The following CNTNAP4 variants were observed in gnomAD, a reference collection of about 807,000 sequenced individuals.
CNTNAP4 encodes contactin-associated protein-like 4.
CNTNAP4 carries 98 observed loss-of-function variants against 148.4 expected under a neutral mutation model. The ratio of observed to expected loss-of-function variants is 0.66; its 90% CI spans 0.56 to 0.78. CNTNAP4 has a LOEUF of 0.78. Ranked by LOEUF, CNTNAP4 falls within the 30% of genes least tolerant of loss-of-function variation. CNTNAP4 has a pLI of 0.00. For missense variants in CNTNAP4, 1,935 were observed against 1,565.6 expected (o/e 1.24, Z -3.98); for synonymous variants, 730 against 565.1 (o/e 1.29, Z -4.14).
At chr16:76,500,263 G>A (rs531283946) in intron 15 of CNTNAP4, among the ~76,000 whole-genome samples, 157 of 152,286 alleles carry the variant, frequency 1.0e-3, no homozygotes, top group Non-Finnish European at 1.8e-3. Context: ...GCGGCTGGCC[G>A]GGCGGGGGCT....
rs144986996 is a variant in CNTNAP4, at chr16:76,547,065, C to T, written c.3443-6218C>T. Among the ~76,000 whole-genome samples, 713 of 152,232 alleles carry T rather than the reference C, an allele frequency of 4.7e-3. 6 individuals carry two copies. The highest frequency in any genetic ancestry group is 0.017 in the African/African-American group (693 of 41,544). On this transcript the variant is annotated intron_variant, in intron 21 of 23. Coordinates refer to ENST00000611870, the MANE Select transcript of CNTNAP4 (RefSeq NM_033401.5). Reference sequence around the variant, plus strand: ...TGTGAAAAGGCAGATAGTCTGATGTCATGTCTAAGTACTTTGTTCACAATG... The same window carrying T: ...TGTGAAAAGGCAGATAGTCTGATGTTATGTCTAAGTACTTTGTTCACAATG...
chr16:76,457,180 A>C (rs1287468925), intron 8 of CNTNAP4, among the ~76,000 whole-genome samples: 1 of 152,210 alleles, frequency 6.6e-6, no homozygotes, highest in East Asian at 1.9e-4. Flanking sequence ...GCGGCCCTTG[A>C]AAAGGGCCAA....
intron 10 of CNTNAP4, among the ~76,000 whole-genome samples, chr16:76,471,029 C>T (rs117826643): frequency 0.023 from 3,177 of 138,808 alleles, 44 homozygotes; most frequent in Non-Finnish European, 0.034. Context: ...TACACTTCTA[C>T]ACTCATAAGT....
rs1325878664 is a variant in CNTNAP4, at chr16:76,462,141, C to T, written c.1483+36C>T. On this transcript the variant is annotated intron_variant, in intron 9 of 23. Coordinates refer to ENST00000611870, the MANE Select transcript of CNTNAP4 (RefSeq NM_033401.5). ...GTGCCAGGCTCTATGAGCAACTGAA[C>T]CATATTTGCATTAGTGCCCCCGTGT... 3 of 1,573,394 alleles carry T rather than the reference C, an allele frequency of 1.9e-6. No individual in the cohort carries two copies. The African/African-American group carries it at 4.0e-5, about 21-fold the overall frequency.
At chr16:76,372,521 A>G (rs538138638) in intron 3 of CNTNAP4, among the ~76,000 whole-genome samples, 3 of 152,144 alleles carry the variant, frequency 2.0e-5, no homozygotes, top group East Asian at 1.9e-4. Flanking sequence ...CCAATGTGAG[A>G]TAATTGAATC....
In CNTNAP4 at chr16:76,522,115, C is replaced by T. The variant is rs377082277; in HGVS notation, c.2613C>T (p.Phe871=). The change falls in exon 17 of 24, where the codon TTC becomes TTT. Residue 871 remains phenylalanine, a synonymous_variant. Coordinates refer to ENST00000611870, the MANE Select transcript of CNTNAP4 (RefSeq NM_033401.5). The stretch of plus-strand genomic sequence containing the variant: ...TCTCAGTGCAGTCACCCACCCACTT[C>T]AACGACAACCAGTGGCACCATGTGA... ...FEISVQSPTH[F]NDNQWHHVRV... is the part of the protein sequence containing the mutation. 17 of 1,613,966 alleles carry T rather than the reference C, an allele frequency of 1.1e-5. No individual in the cohort carries two copies. In the African/African-American group the frequency reaches 1.9e-4, roughly 18 times the overall value.
intron 4 of CNTNAP4, among the ~76,000 whole-genome samples, chr16:76,447,414 AT>A (rs1267143822): frequency 6.6e-6 from 1 of 151,692 alleles, no homozygotes; most frequent in Non-Finnish European, 1.5e-5. Flanking sequence ...TAGATCATGA[AT>A]TTTGTAAACA....
intron 1 of CNTNAP4, among the ~76,000 whole-genome samples, chr16:76,278,224 G>A (rs908035715): frequency 6.6e-6 from 1 of 152,190 alleles, no homozygotes; most frequent in Non-Finnish European, 1.5e-5. Flanking sequence ...AAATAATGCA[G>A]GCTAATAACT....
intron 3 of CNTNAP4, among the ~76,000 whole-genome samples, chr16:76,393,687 GAAAAA>G (rs142796425): frequency 3.7e-4 from 54 of 145,864 alleles, no homozygotes; most frequent in African/African-American, 1.3e-3. Context: ...ATTCCTGGCA[GAAAAA>G]AAAAAAATTG....
chr16:76,335,688 A>G (rs1386657565), intron 2 of CNTNAP4, among the ~76,000 whole-genome samples: 1 of 152,180 alleles, frequency 6.6e-6, no homozygotes, highest in Non-Finnish European at 1.5e-5. Flanking sequence ...CTGCCTGAAC[A>G]AAGAAAAGTC....
At chr16:76,344,457 G>A (rs1400353152) in intron 2 of CNTNAP4, among the ~76,000 whole-genome samples, 1 of 152,088 alleles carries the variant, frequency 6.6e-6, no homozygotes, top group African/African-American at 2.4e-5. Flanking sequence ...GCAGATTTGG[G>A]GATGTTAAGC....
At chr16:76,278,305 C>G (rs575568016) in intron 1 of CNTNAP4, among the ~76,000 whole-genome samples, 19 of 152,274 alleles carry the variant, frequency 1.2e-4, no homozygotes, top group Non-Finnish European at 1.8e-4. Context: ...GCTGTGCCCT[C>G]GCTGCTAAGA....
In CNTNAP4 at chr16:76,538,195, C is replaced by T. The variant is rs1306716252; in HGVS notation, c.3075C>T (p.Ser1025=). Residue 1025 remains serine, a synonymous_variant, in exon 19 of 24, where the codon AGC becomes AGT. Transcript: ENST00000611870. The part of the protein sequence containing the change: ...QENYLLSKNS[S]SHAASFHGDM... ...ATTATCTTTTAAGTAAAAACTCCAGCTCCCACGCTGCTTCATTTCATGGTG... is the reference window on the plus strand; with the variant it reads ...ATTATCTTTTAAGTAAAAACTCCAGTTCCCACGCTGCTTCATTTCATGGTG... 7.5e-6 allele frequency: 12 copies of T among 1,606,386 alleles called. No homozygotes were observed. Among genetic ancestry groups the T allele is most frequent in the Non-Finnish European group, 1.0e-5 (12 of 1,177,248 alleles).
intron 21 of CNTNAP4, among the ~76,000 whole-genome samples, chr16:76,549,380 C>G (rs1336856712): frequency 6.6e-6 from 1 of 152,116 alleles, no homozygotes; most frequent in East Asian, 1.9e-4. Flanking sequence ...CAGCTCTGCT[C>G]CTGGTCCACC....
intron 4 of CNTNAP4, among the ~76,000 whole-genome samples, chr16:76,429,460 C>A (rs2079537292): frequency 6.6e-6 from 1 of 152,168 alleles, no homozygotes; most frequent in Non-Finnish European, 1.5e-5. Flanking sequence ...ATAATTTAAT[C>A]CTCAAAACCA....
intron 1 of CNTNAP4, among the ~76,000 whole-genome samples, chr16:76,282,974 A>G (rs932888242): frequency 1.3e-5 from 2 of 151,792 alleles, no homozygotes; most frequent in African/African-American, 2.4e-5. Context: ...AAGTCTCATC[A>G]AAAGGCCAAT....
intron 3 of CNTNAP4, among the ~76,000 whole-genome samples, chr16:76,373,669 T>G (rs2015099935): frequency 6.6e-6 from 1 of 151,766 alleles, no homozygotes; most frequent in Admixed American, 6.6e-5. Flanking sequence ...CCGAGGCAGG[T>G]GGATCACCTG....
chr16:76,355,997 C>T (rs1205328175), intron 3 of CNTNAP4, among the ~76,000 whole-genome samples: 1 of 151,968 alleles, frequency 6.6e-6, no homozygotes, highest in Non-Finnish European at 1.5e-5. Flanking sequence ...ACTTCAGCCT[C>T]CCAAGTAGCT....
chr16:76,339,460 TA>T (rs1964290226), intron 2 of CNTNAP4, among the ~76,000 whole-genome samples: 2 of 152,138 alleles, frequency 1.3e-5, no homozygotes, highest in African/African-American at 4.8e-5. Flanking sequence ...TAGATGACAT[TA>T]ATATTCAGCA....
Sources: gnomAD v4.1 joint callset for allele counts (sites outside exome capture counted in the v4.1 genomes callset) on GRCh38, gnomAD v4.1.1 for gene constraint, MANE v1.5 for transcripts, NCBI Gene and HGNC (gene_info 2026-07-23, HGNC 2026-07-21) for gene names.